RTN4: variants seen among roughly 807,000 people sequenced by gnomAD.
RTN4 encodes reticulon 4, also known as reticulon-4.
In RTN4, 32 loss-of-function variants were observed where a neutral mutation model predicts 90.4. The observed-to-expected ratio is 0.35, with a 90% CI of 0.27 to 0.48. RTN4 has a LOEUF of 0.48. RTN4 is among the 20% of genes least tolerant of loss of function. The pLI is 0.99. For synonymous variants in RTN4, 629 were observed against 552.5 expected, an observed-to-expected ratio of 1.14 and a Z score of -1.94; for missense variants, 1,706 against 1,430.2, an observed-to-expected ratio of 1.19 and a Z score of -3.11.
chr2:55,112,374 A>C (rs911781565), intron 1 of RTN4: 1 of 152,290 alleles, frequency 6.6e-6, no homozygotes, highest in Non-Finnish European at 1.5e-5. Flanking sequence ...GTGATTAAGC[A>C]AGGCTTGAGC....
chr2:55,019,642 G>A (rs1367432765), intron 3 of RTN4, among the ~76,000 whole-genome samples: 11 of 152,110 alleles, frequency 7.2e-5, no homozygotes, highest in Non-Finnish European at 1.5e-4. Flanking sequence ...TTATAAAGTC[G>A]GGGGAAGAGA....
At chr2:55,075,368 C>T (rs1245843239) in intron 2 of RTN4, among the ~76,000 whole-genome samples, 1 of 152,116 alleles carries the variant, frequency 6.6e-6, no homozygotes, top group Non-Finnish European at 1.5e-5. Flanking sequence ...TAGGAATATG[C>T]TTAACCTAAG....
chr2:54,982,551 G>T lies in RTN4; in HGVS notation c.3324C>A (p.Arg1108=). The change falls in exon 5 of 9, where the codon CGC becomes CGA. Residue 1108 remains arginine, a synonymous_variant. Transcript: ENST00000337526. ...CAACTAAATCATCAACTAAGAAGAG[G>T]CGCCTGAGTTCCTTTATCGTGCAGT... ...HVNCTIKELR[R]LFLVDDLVDS... is the part of the protein sequence containing the mutation. The T allele has an allele frequency of 6.2e-7, 1 of 1,612,668 alleles. No individual in the cohort carries two copies. Among genetic ancestry groups the T allele is most frequent in the Non-Finnish European group, 8.5e-7 (1 of 1,179,604 alleles).
chr2:55,126,313 G>C, the RTN4 span, among the ~76,000 whole-genome samples: 2 of 151,666 alleles, frequency 1.3e-5, no homozygotes, highest in East Asian at 3.9e-4. Context: ...AGGTTATGAT[G>C]AGCCGAGATG....
intron 1 of RTN4, among the ~76,000 whole-genome samples, chr2:55,100,469 T>C (rs547730869): frequency 9.2e-5 from 14 of 152,260 alleles, no homozygotes; most frequent in Admixed American, 2.6e-4. Context: ...TTTGCCATAA[T>C]TCTTTCGTCA....
chr2:55,097,439 G>C (rs1015079443), intron 1 of RTN4, among the ~76,000 whole-genome samples: 1 of 152,088 alleles, frequency 6.6e-6, no homozygotes, highest in South Asian at 2.1e-4. Context: ...TGGAACACTG[G>C]TACTCTAAGA....
intron 3 of RTN4, among the ~76,000 whole-genome samples, chr2:55,008,142 A>AACACACACACACACACAC (rs200633765): frequency 5.1e-4 from 74 of 145,116 alleles, no homozygotes; most frequent in South Asian, 2.2e-3. Context: ...TCGGCAAGCA[A>AACACACACACACACACAC]ACACACACAC....
intron 1 of RTN4, among the ~76,000 whole-genome samples, chr2:55,031,511 C>T (rs1012379876): frequency 6.6e-6 from 1 of 152,234 alleles, no homozygotes; most frequent in African/African-American, 2.4e-5. Flanking sequence ...CAGCACAAGA[C>T]TCGGCAAGGC....
intron 2 of RTN4, chr2:55,056,335 G>C (rs1403968523): frequency 6.6e-6 from 1 of 152,048 alleles, no homozygotes; most frequent in Non-Finnish European, 1.5e-5. Flanking sequence ...GCTGCATTCA[G>C]GTAACCCTTA....
At chr2:55,135,208 GTTTTTTT>G in the RTN4 span, among the ~76,000 whole-genome samples, 1 of 109,108 alleles carries the variant, frequency 9.2e-6, no homozygotes, top group African/African-American at 3.2e-5. Context: ...TGTTTTTTTG[GTTTTTTT>G]TTTTTTTTTT....
chr2:55,075,392 A>C (rs1468755296), intron 2 of RTN4, among the ~76,000 whole-genome samples: 21 of 152,222 alleles, frequency 1.4e-4, no homozygotes, highest in Admixed American at 1.4e-3. Context: ...AAGGAGGTGA[A>C]AGGCCATTAC....
At chr2:55,102,052 T>G (rs1667862347) in intron 1 of RTN4, among the ~76,000 whole-genome samples, 5 of 152,186 alleles carry the variant, frequency 3.3e-5, no homozygotes, top group Admixed American at 3.3e-4. Flanking sequence ...GCTTCTGCTT[T>G]TATTTTGAAT....
the RTN4 span, among the ~76,000 whole-genome samples, chr2:55,134,979 G>A: frequency 2.0e-5 from 3 of 152,076 alleles, no homozygotes; most frequent in Admixed American, 2.0e-4. Flanking sequence ...AGTGTAAAAT[G>A]CACATAGCAC....
chr2:55,045,848 G>A (rs1455051852), intron 1 of RTN4, among the ~76,000 whole-genome samples: 1 of 152,156 alleles, frequency 6.6e-6, no homozygotes, highest in Non-Finnish European at 1.5e-5. Flanking sequence ...CCAGTTCGAA[G>A]TCACCCTTAA....
At chr2:55,041,984 A>G (rs751910486) in intron 1 of RTN4, among the ~76,000 whole-genome samples, 3 of 152,254 alleles carry the variant, frequency 2.0e-5, no homozygotes, top group Middle Eastern at 3.4e-3. Flanking sequence ...TAGTTTCCTT[A>G]CAATGCAGAT....
In RTN4 at chr2:54,981,687, T is replaced by C. The variant is rs1281019340; in HGVS notation, c.3360+828A>G. Among the ~76,000 whole-genome samples the C allele has an allele frequency of 2.0e-5, 3 of 152,296 alleles. No homozygotes were observed. In the East Asian group the frequency reaches 5.8e-4, roughly 29 times the overall value. ...AGGTGAGACTCTTAACAGCTGCTTA[T>C]GTAGCGAGATCCAAAAACTAAAGAA... On this transcript the variant is annotated intron_variant, in intron 5 of 8. Transcript: ENST00000337526.
chr2:54,987,634 G>A lies in RTN4; in HGVS notation c.3078C>T (p.Phe1026=). 1 of 1,614,204 alleles carries A rather than the reference G, an allele frequency of 6.2e-7. No individual in the cohort carries two copies. The highest frequency in any genetic ancestry group is 8.5e-7 in the Non-Finnish European group (1 of 1,180,024). ...KTGVVFGASL[F]LLLSLTVFSI... ...TGAATACTGTCAATGAAAGCAGCAGGAATAGGCTGGCACCAAACACCACTC... is the reference window on the plus strand; with the variant it reads ...TGAATACTGTCAATGAAAGCAGCAGAAATAGGCTGGCACCAAACACCACTC... The change falls in exon 4 of 9, where the codon TTC becomes TTT. Residue 1026 remains phenylalanine, a synonymous_variant. Coordinates refer to ENST00000337526, the MANE Select transcript of RTN4 (RefSeq NM_020532.5).
At chr2:55,110,469 T>G (rs762827787) in intron 1 of RTN4, among the ~76,000 whole-genome samples, 3 of 151,844 alleles carry the variant, frequency 2.0e-5, no homozygotes, top group Non-Finnish European at 4.4e-5. Context: ...TACAATAATA[T>G]CAAAACAAAC....
At chr2:55,001,152 G>T (rs1299402173) in intron 3 of RTN4, among the ~76,000 whole-genome samples, 2 of 152,002 alleles carry the variant, frequency 1.3e-5, no homozygotes, top group Non-Finnish European at 2.9e-5. Flanking sequence ...GGAAACAGAA[G>T]CCAAACATAA....
Sources: allele counts gnomAD v4.1 joint callset (sites outside exome capture counted in the v4.1 genomes callset), GRCh38; gene constraint gnomAD v4.1.1; transcripts MANE v1.5; gene names NCBI Gene and HGNC (gene_info 2026-07-23, HGNC 2026-07-21).